Variants in SLCO3A1 observed in about 807,000 individuals in gnomAD.
SLCO3A1 encodes PGE1 transporter.
A neutral mutation model predicts 63.1 loss-of-function variants in SLCO3A1; 27 were observed. That is an observed-to-expected ratio of 0.43 (90% confidence interval 0.32 to 0.59). SLCO3A1 has a LOEUF of 0.59. Ranked by LOEUF, SLCO3A1 falls within the 20% of genes least tolerant of loss-of-function variation. The probability of loss-of-function intolerance (pLI) is 0.09; values close to 1 mark genes in which losing one functional copy is unlikely to be tolerated. For missense variants in SLCO3A1, 773 were observed against 945.8 expected (o/e 0.82, Z 2.40); for synonymous variants, 473 against 409.9 (o/e 1.15, Z -1.86).
chr15:92,028,652 G>A (rs571091756), intron 2 of SLCO3A1, among the ~76,000 whole-genome samples: 1 of 152,210 alleles, frequency 6.6e-6, no homozygotes, highest in East Asian at 1.9e-4. Context: ...AAATATAATC[G>A]TTTTAAGCTA....
At chr15:92,110,011 A>G (rs1032846741) in intron 4 of SLCO3A1, among the ~76,000 whole-genome samples, 1 of 152,098 alleles carries the variant, frequency 6.6e-6, no homozygotes, top group Non-Finnish European at 1.5e-5. Context: ...TAAACTGACG[A>G]AAGAGGAGAA....
intron 2 of SLCO3A1, among the ~76,000 whole-genome samples, chr15:91,983,510 GACTGTCCCGGACAGATTGAGA>G (rs2046012308): frequency 6.6e-6 from 1 of 152,146 alleles, no homozygotes; most frequent in African/African-American, 2.4e-5. Flanking sequence ...ATCTTTAATT[GACTGTCCCGGACAGATTGAGA>G]ACTGAAATCC....
rs561268250 is a variant in SLCO3A1 at position 92,141,563 on chromosome 15, T to A, written c.1513-5421T>A. Among the ~76,000 whole-genome samples, 7 of 152,288 alleles carry A rather than the reference T, an allele frequency of 4.6e-5. No homozygotes were observed. In the East Asian group the frequency reaches 1.3e-3, roughly 29 times the overall value. ...TCAAACTTTTTATAGCTCAAAGCAT[T>A]TGCAGATCTAGGGCTTCCCATGTAG... On this transcript the variant is annotated intron_variant, in intron 7 of 9. Coordinates refer to ENST00000318445, the MANE Select transcript of SLCO3A1 (RefSeq NM_013272.4).
At chr15:92,046,678 T>A (rs2046867819) in intron 2 of SLCO3A1, among the ~76,000 whole-genome samples, 1 of 152,034 alleles carries the variant, frequency 6.6e-6, no homozygotes, top group African/African-American at 2.4e-5. Flanking sequence ...TGTTGAAGAA[T>A]CAACTGTGAA....
At chr15:92,005,101 C>G (rs543649830) in intron 2 of SLCO3A1, among the ~76,000 whole-genome samples, 1 of 152,330 alleles carries the variant, frequency 6.6e-6, no homozygotes, top group Non-Finnish European at 1.5e-5. Context: ...TTTGAAGCAT[C>G]TAATTAAATA....
chr15:91,867,460 A>AT (rs1320370633), intron 1 of SLCO3A1, among the ~76,000 whole-genome samples: 1 of 151,676 alleles, frequency 6.6e-6, no homozygotes, highest in Non-Finnish European at 1.5e-5. Context: ...TACAAATTAG[A>AT]TTCTTGCAAG....
intron 2 of SLCO3A1, among the ~76,000 whole-genome samples, chr15:91,924,880 C>T (rs1036310194): frequency 6.6e-6 from 1 of 152,212 alleles, no homozygotes; most frequent in African/African-American, 2.4e-5. Flanking sequence ...TTGGGGCCTA[C>T]AGATATTTAC....
At chr15:92,044,454 G>A (rs764887657) in intron 2 of SLCO3A1, among the ~76,000 whole-genome samples, 33 of 151,998 alleles carry the variant, frequency 2.2e-4, no homozygotes, top group Non-Finnish European at 1.5e-4. Flanking sequence ...CATTCTCTCA[G>A]GCAAGCAAAC....
At chr15:91,868,269 C>G (rs907743681) in intron 1 of SLCO3A1, among the ~76,000 whole-genome samples, 1 of 150,672 alleles carries the variant, frequency 6.6e-6, no homozygotes, top group South Asian at 2.1e-4. Flanking sequence ...CCAGGCTAGT[C>G]TCGAACTCCT....
chr15:92,154,641 T>C (rs1056562953), intron 9 of SLCO3A1, among the ~76,000 whole-genome samples: 6 of 151,784 alleles, frequency 4.0e-5, no homozygotes, highest in African/African-American at 7.3e-5. Context: ...TAGAAATGAA[T>C]GTGAGATCGG....
At chr15:91,905,654 G>A (rs532220551) in intron 1 of SLCO3A1, among the ~76,000 whole-genome samples, 6 of 151,392 alleles carry the variant, frequency 4.0e-5, no homozygotes, top group African/African-American at 1.5e-4. Flanking sequence ...AAGTTACGTG[G>A]TCAAGGGAGT....
intron 2 of SLCO3A1, among the ~76,000 whole-genome samples, chr15:91,953,851 C>G (rs1042236606): frequency 2.0e-5 from 3 of 152,114 alleles, no homozygotes; most frequent in African/African-American, 7.2e-5. Flanking sequence ...CCAACAGTGT[C>G]TTGTGTTGAT....
chr15:92,020,253 A>C (rs7178031), intron 2 of SLCO3A1, among the ~76,000 whole-genome samples: 95,603 of 151,974 alleles, frequency 0.63, 30,720 homozygotes, highest in African/African-American at 0.76. Context: ...TATATATGTA[A>C]AGTATATCTG....
At chr15:92,050,722 T>A (rs534179257) in intron 2 of SLCO3A1, among the ~76,000 whole-genome samples, 1 of 152,294 alleles carries the variant, frequency 6.6e-6, no homozygotes, top group African/African-American at 2.4e-5. Context: ...TTAGGTCACG[T>A]CCCTGCTTAA....
At chr15:91,951,851 G>A (rs897069776) in intron 2 of SLCO3A1, among the ~76,000 whole-genome samples, 21 of 151,966 alleles carry the variant, frequency 1.4e-4, no homozygotes, top group African/African-American at 4.4e-4. Flanking sequence ...CACCGCACCC[G>A]GCCTTGTGTA....
intron 2 of SLCO3A1, among the ~76,000 whole-genome samples, chr15:92,016,238 TAGATAGATAGATAGATTAGA>T (rs1374527688): frequency 3.4e-4 from 20 of 59,208 alleles, no homozygotes; most frequent in African/African-American, 1.6e-3. Flanking sequence ...GATAGATAGA[TAGATAGATAGATAGATTAGA>T]TAGATAGATA....
At chr15:92,026,289 G>A (rs1180657360) in intron 2 of SLCO3A1, among the ~76,000 whole-genome samples, 1 of 152,216 alleles carries the variant, frequency 6.6e-6, no homozygotes, top group Non-Finnish European at 1.5e-5. Flanking sequence ...TATCTGCAAA[G>A]TGAAGGAAAG....
chr15:92,050,972 C>G (rs2046950131), intron 2 of SLCO3A1, among the ~76,000 whole-genome samples: 2 of 152,208 alleles, frequency 1.3e-5, no homozygotes, highest in Admixed American at 1.3e-4. Context: ...CTTCTTGTCT[C>G]TCAGGCCCCA....
chr15:92,171,718 G>A, intron 10 of SLCO3A1: 1 of 1,183,638 alleles, frequency 8.4e-7, no homozygotes, highest in Non-Finnish European at 1.2e-6. Context: ...ACAAACAGTA[G>A]GTGAAGCAGA....
Sources: allele counts gnomAD v4.1 joint callset (sites outside exome capture counted in the v4.1 genomes callset), GRCh38; gene constraint gnomAD v4.1.1; transcripts MANE v1.5; gene names NCBI Gene and HGNC (gene_info 2026-07-23, HGNC 2026-07-21).